Variants in SPART observed in about 807,000 individuals in gnomAD.
SPART encodes spastic paraplegia 20 (Troyer syndrome).
SPART carries 35 observed loss-of-function variants against 58.7 expected under a neutral mutation model. The observed-to-expected ratio is 0.60, with a 90% CI of 0.46 to 0.79. SPART has a LOEUF of 0.79. SPART is among the 30% of genes least tolerant of loss of function. The pLI, the probability that SPART is intolerant of heterozygous loss-of-function variation, is 0.00. For synonymous variants in SPART, 284 were observed against 280.7 expected (o/e 1.01, Z -0.12); for missense variants, 730 against 786.1 (o/e 0.93, Z 0.85).
intron 5 of SPART, among the ~76,000 whole-genome samples, chr13:36,314,630 A>T (rs1457838645): frequency 6.6e-6 from 1 of 152,234 alleles, no homozygotes; most frequent in African/African-American, 2.4e-5. Context: ...CTATGCTGCC[A>T]CTACCTAGTA....
chr13:36,319,461 A>T (rs1882126729), intron 5 of SPART, among the ~76,000 whole-genome samples: 1 of 151,790 alleles, frequency 6.6e-6, no homozygotes, highest in African/African-American at 2.4e-5. Context: ...CTTTAAAAAG[A>T]TTAAAGCCTG....
chr13:36,318,910 C>G (rs911402334), intron 5 of SPART, among the ~76,000 whole-genome samples: 1 of 152,144 alleles, frequency 6.6e-6, no homozygotes, highest in African/African-American at 2.4e-5. Context: ...GGCTTAGCGG[C>G]TGAAGACTGA....
chr13:36,318,452 G>A (rs1009287592), intron 5 of SPART, among the ~76,000 whole-genome samples: 2 of 152,118 alleles, frequency 1.3e-5, no homozygotes, highest in African/African-American at 4.8e-5. Context: ...TCAAAAGGCC[G>A]TCTTATTCTC....
intron 1 of SPART, among the ~76,000 whole-genome samples, chr13:36,361,835 T>C (rs183148812): frequency 1.3e-5 from 2 of 152,244 alleles, no homozygotes; most frequent in African/African-American, 4.8e-5. Flanking sequence ...TACTGATGAC[T>C]ATTGTAATCT....
rs1457650157 is a variant in SPART, at chr13:36,304,646, AT to A, written c.1734-15del. Reference sequence around the variant, plus strand: ...TTATATCCGTATCTTTAAAAGAAAGATTAGAGGACATACAATGAAACAATAA... The same window carrying A: ...TTATATCCGTATCTTTAAAAGAAAGATAGAGGACATACAATGAAACAATAA... On this transcript the variant is annotated splice_polypyrimidine_tract_variant and intron_variant, in intron 8 of 8. Transcript: ENST00000438666. 1 of 1,612,670 alleles carries A rather than the reference AT, an allele frequency of 6.2e-7. No homozygotes were observed. The highest frequency in any genetic ancestry group is 8.5e-7 in the Non-Finnish European group (1 of 1,179,236).
chr13:36,358,924 GA>G (rs1438770807), intron 1 of SPART, among the ~76,000 whole-genome samples: 6 of 152,138 alleles, frequency 3.9e-5, no homozygotes, highest in Middle Eastern at 3.2e-3. Context: ...TTGGGGATAA[GA>G]CTAATAAATA....
At position 36,314,447 on chromosome 13, in the gene SPART, C is replaced by T. The variant is rs1243889570; in HGVS notation, c.1289-26G>A. ...CTTTTTAAAAGAAAATTTAAAATTG[C>T]ACAATATTAGGGCTAATTATGCTTT... On this transcript the variant is annotated intron_variant, in intron 5 of 8. Transcript: ENST00000438666. 9 of 1,603,356 alleles carry T rather than the reference C, an allele frequency of 5.6e-6. No homozygotes were observed. In the African/African-American group the frequency reaches 1.1e-4, roughly 19 times the overall value.
intron 5 of SPART, among the ~76,000 whole-genome samples, chr13:36,318,055 C>T (rs917351542): frequency 7.2e-5 from 11 of 152,126 alleles, no homozygotes; most frequent in East Asian, 1.9e-4. Flanking sequence ...CAACACCAAG[C>T]GTCGCTGAGT....
intron 4 of SPART, among the ~76,000 whole-genome samples, chr13:36,327,929 G>A (rs1368974039): frequency 6.6e-6 from 1 of 152,180 alleles, no homozygotes; most frequent in African/African-American, 2.4e-5. Context: ...GGGAGGCGGA[G>A]GTTGCAGTCA....
intron 6 of SPART, among the ~76,000 whole-genome samples, chr13:36,313,750 G>C (rs1881375278): frequency 6.6e-6 from 1 of 152,142 alleles, no homozygotes. Context: ...CCTAGGTGTG[G>C]AGTGGCAACG....
At chr13:36,365,364 T>C in intron 1 of SPART, 1 of 277,386 alleles carries the variant, frequency 3.6e-6, no homozygotes, top group Non-Finnish European at 6.9e-6. Flanking sequence ...CTACTCTGTG[T>C]GTATGTGTAT....
chr13:36,353,427 T>C (rs987866911), intron 1 of SPART, among the ~76,000 whole-genome samples: 2 of 152,152 alleles, frequency 1.3e-5, no homozygotes, highest in African/African-American at 4.8e-5. Flanking sequence ...TCCAGCCAAA[T>C]ACAACCAAGA....
intron 5 of SPART, among the ~76,000 whole-genome samples, chr13:36,324,785 C>G (rs190505568): frequency 1.3e-5 from 2 of 151,968 alleles, no homozygotes; most frequent in African/African-American, 4.8e-5. Flanking sequence ...AGAGAGTCAG[C>G]GAAGGGAGAT....
At position 36,335,334 on chromosome 13, in the gene SPART, C is replaced by T. The variant is rs1204774747; in HGVS notation, c.497G>A (p.Cys166Tyr). ...PASLSLPSQS[C>Y]PAEAPPAYTP... ...ATAAGCAGGAGGAGCTTCTGCTGGACAACTTTGTGATGGTAAAGACAGAGA... is the reference window on the plus strand; with the variant it reads ...ATAAGCAGGAGGAGCTTCTGCTGGATAACTTTGTGATGGTAAAGACAGAGA... Residue 166 changes from cysteine to tyrosine, a missense_variant, in exon 2 of 9, where the codon TGT (cysteine) becomes TAT (tyrosine). Coordinates refer to ENST00000438666, the MANE Select transcript of SPART (RefSeq NM_015087.5). 2 of 1,613,892 alleles carry T rather than the reference C, an allele frequency of 1.2e-6. No homozygotes were observed. Among genetic ancestry groups the T allele is most frequent in the East Asian group, 2.2e-5 (1 of 44,874 alleles).
At chr13:36,319,586 A>G (rs376533301) in intron 5 of SPART, among the ~76,000 whole-genome samples, 4 of 151,616 alleles carry the variant, frequency 2.6e-5, no homozygotes, top group South Asian at 2.1e-4. Flanking sequence ...CAGGATCTGC[A>G]TCTTATCAAC....
intron 5 of SPART, chr13:36,325,924 T>G (rs1474868040): frequency 6.6e-6 from 1 of 152,412 alleles, no homozygotes; most frequent in Non-Finnish European, 1.5e-5. Flanking sequence ...TAGTAGCTTA[T>G]TAACAACAAA....
chr13:36,325,417 G>C (rs533774850), intron 5 of SPART, among the ~76,000 whole-genome samples: 2 of 152,194 alleles, frequency 1.3e-5, no homozygotes, highest in South Asian at 4.1e-4. Context: ...TTCCTAGCAA[G>C]CTAATTATTT....
chr13:36,362,792 C>CT lies in SPART; in HGVS notation c.-3+7296dup, dbSNP rs5802820. On this transcript the variant is annotated intron_variant, in intron 1 of 8. Coordinates refer to the SPART transcript ENST00000355182. ...AAAGCAGACTGTAATGTGGAGGATA[C>CT]TTTTTTTTTTTTAAATGAGATTTTG... Among the ~76,000 whole-genome samples, 78 of 150,376 alleles carry CT rather than the reference C, an allele frequency of 5.2e-4. 2 individuals are homozygous for CT. Among genetic ancestry groups the CT allele is most frequent in the Non-Finnish European group, 2.5e-4 (17 of 67,576 alleles).
intron 8 of SPART, among the ~76,000 whole-genome samples, chr13:36,306,253 A>T (rs1880499061): frequency 6.6e-6 from 1 of 152,174 alleles, no homozygotes; most frequent in South Asian, 2.1e-4. Flanking sequence ...GGATTTGCTG[A>T]TAGTGCAGGA....
Sources: gnomAD v4.1 joint callset for allele counts (sites outside exome capture counted in the v4.1 genomes callset) on GRCh38, gnomAD v4.1.1 for gene constraint, MANE v1.5 for transcripts, NCBI Gene and HGNC (gene_info 2026-07-23, HGNC 2026-07-21) for gene names.